RYR3: variants seen among roughly 807,000 people sequenced by gnomAD.
RYR3 encodes brain ryanodine receptor-calcium release channel.
Under a neutral mutation model 584.3 loss-of-function variants are expected in RYR3, and 207 were observed. That is an observed-to-expected ratio of 0.35 (90% CI 0.32 to 0.40). RYR3 has a LOEUF of 0.40. Among genes scored for constraint, RYR3 ranks in the 10% least tolerant of loss-of-function variants. RYR3 has a pLI of 1.00. For synonymous variants in RYR3, 2,416 were observed against 2,248.5 expected, an observed-to-expected ratio of 1.07 and a Z score of -2.11; for missense variants, 5,616 against 6,089.2, an observed-to-expected ratio of 0.92 and a Z score of 2.59.
intron 80 of RYR3, among the ~76,000 whole-genome samples, chr15:33,822,593 C>T (rs1282037168): frequency 6.6e-6 from 1 of 152,342 alleles, no homozygotes; most frequent in Non-Finnish European, 1.5e-5. Flanking sequence ...TTCCTACCTT[C>T]CAGTAAAAGA....
chr15:33,849,878 C>CG (rs1213134510), intron 94 of RYR3: 1 of 152,196 alleles, frequency 6.6e-6, no homozygotes, highest in Non-Finnish European at 1.5e-5. Flanking sequence ...ACAGGCACAT[C>CG]CTCACATCCT....
At chr15:33,860,742 A>ATTAC (rs1290833881) in intron 101 of RYR3, 83 bp downstream of exon 101, 1 of 1,053,502 alleles carries the variant, frequency 9.5e-7, no homozygotes, top group Non-Finnish European at 1.4e-6. Context: ...AGGTTTTACT[A>ATTAC]TTACTTAGGG....
At chr15:33,688,702 G>A (rs889089135) in intron 38 of RYR3, among the ~76,000 whole-genome samples, 3 of 152,018 alleles carry the variant, frequency 2.0e-5, no homozygotes, top group Admixed American at 1.3e-4. Flanking sequence ...TTAGAATGGC[G>A]ATCATTAAAA....
chr15:33,814,641 G>A (rs1357386763), intron 74 of RYR3, among the ~76,000 whole-genome samples: 11 of 152,122 alleles, frequency 7.2e-5, no homozygotes, highest in Admixed American at 7.2e-4. Flanking sequence ...GCTCACTCCT[G>A]TAATCCTAGC....
chr15:33,810,685 C>A, intron 71 of RYR3, 36 bp downstream of exon 71: 3 of 1,612,688 alleles, frequency 1.9e-6, no homozygotes, highest in Non-Finnish European at 2.5e-6. Context: ...AGTGTGTGAT[C>A]CACATGGTGC....
chr15:33,649,425 A>C (rs886834694), intron 31 of RYR3, among the ~76,000 whole-genome samples, 190 bp downstream of exon 31: 1 of 152,234 alleles, frequency 6.6e-6, no homozygotes, highest in African/African-American at 2.4e-5. Context: ...AAAATAGAGA[A>C]GAGTTTCATC....
intron 1 of RYR3, among the ~76,000 whole-genome samples, chr15:33,413,093 T>C (rs2043523187): frequency 6.6e-6 from 1 of 152,178 alleles, no homozygotes; most frequent in African/African-American, 2.4e-5. Context: ...TTTGAAGAAA[T>C]AAAAATGAGA....
At chr15:33,373,419 A>G (rs1277411625) in intron 1 of RYR3, among the ~76,000 whole-genome samples, 5 of 152,224 alleles carry the variant, frequency 3.3e-5, no homozygotes, top group Non-Finnish European at 7.3e-5. Flanking sequence ...AAATGGGGTA[A>G]TGCCAATTTC....
At chr15:33,534,067 A>G (rs556848924) in intron 5 of RYR3, among the ~76,000 whole-genome samples, 2 of 152,340 alleles carry the variant, frequency 1.3e-5, no homozygotes, top group Non-Finnish European at 2.9e-5. Context: ...CTAGTTCCAA[A>G]TGTAAAACTT....
chr15:33,434,332 G>A (rs2045468051), intron 1 of RYR3, among the ~76,000 whole-genome samples: 2 of 152,168 alleles, frequency 1.3e-5, no homozygotes, highest in Middle Eastern at 3.4e-3. Context: ...TTGTCTTGGT[G>A]GGTCCTGTGC....
intron 64 of RYR3, among the ~76,000 whole-genome samples, chr15:33,779,991 A>G (rs2074284353): frequency 6.6e-6 from 1 of 152,160 alleles, no homozygotes; most frequent in Admixed American, 6.5e-5. Flanking sequence ...AGCCTGGGTG[A>G]CAGAGCAAGA....
At chr15:33,575,402 A>G (rs1168738577) in intron 12 of RYR3, among the ~76,000 whole-genome samples, 1 of 152,222 alleles carries the variant, frequency 6.6e-6, no homozygotes, top group Non-Finnish European at 1.5e-5. Flanking sequence ...CAAATGCAAA[A>G]GAAATGAAAT....
chr15:33,669,309 C>T, intron 36 of RYR3, 45 bp from the exon 37 acceptor site: 8 of 1,522,366 alleles, frequency 5.3e-6, no homozygotes, highest in Non-Finnish European at 7.3e-6. Flanking sequence ...GTTCCCTTGG[C>T]CAACATTGAG....
intron 47 of RYR3, among the ~76,000 whole-genome samples, chr15:33,730,974 C>T (rs2068896592): frequency 6.6e-6 from 1 of 152,200 alleles, no homozygotes; most frequent in Non-Finnish European, 1.5e-5. Flanking sequence ...TTCGCTTTCA[C>T]AAAACTGGTG....
chr15:33,364,397 G>A (rs1479393951), intron 1 of RYR3, among the ~76,000 whole-genome samples: 1 of 152,144 alleles, frequency 6.6e-6, no homozygotes, highest in Non-Finnish European at 1.5e-5. Context: ...TACTGAGGCA[G>A]CATGCACACC....
chr15:33,662,245 G>A lies in RYR3; in HGVS notation c.4715G>A (p.Gly1572Glu). The change falls in exon 35 of 104, where the codon GGA becomes GAA. Residue 1572 changes from glycine (G) to glutamate (E), a missense_variant. Physicochemically the swap from Gly to Glu is moderately conservative, Grantham distance 98. Around this residue, in one of 9 missense-constraint regions of RYR3, gnomAD observed 753 missense variants for 741.0 expected, o/e 1.02. Transcript: ENST00000634891. ...CTCTACAGCGCGGTGTGCGCCCTGG[G>A]AAACAGCCGCGTGGCCTACGCCCTG... is the stretch of plus-strand genomic sequence containing the variant. ...LRLYSAVCAL[G>E]NSRVAYALCS... 1 of 1,609,718 alleles carries A rather than the reference G, an allele frequency of 6.2e-7. No individual in the cohort carries two copies. The highest frequency in any genetic ancestry group is 8.5e-7 in the Non-Finnish European group (1 of 1,178,246).
intron 12 of RYR3, among the ~76,000 whole-genome samples, chr15:33,567,514 G>T (rs2057778706): frequency 2.0e-5 from 3 of 152,292 alleles, no homozygotes; most frequent in South Asian, 2.1e-4. Context: ...GCTGTTGAAG[G>T]ACTGCAGTCC....
At chr15:33,832,293 CA>C (rs10674932) in intron 86 of RYR3, among the ~76,000 whole-genome samples, 32 of 140,364 alleles carry the variant, frequency 2.3e-4, no homozygotes, top group South Asian at 4.6e-4. Context: ...GACTCAGTCT[CA>C]AAAAAAAAAA....
At chr15:33,860,093 G>C (rs181576215) in intron 100 of RYR3, among the ~76,000 whole-genome samples, 5 of 142,718 alleles carry the variant, frequency 3.5e-5, no homozygotes, top group Admixed American at 3.5e-4. Context: ...GGACAGTGCA[G>C]GGGAGGGGAG....
Sources: allele counts gnomAD v4.1 joint callset (sites outside exome capture counted in the v4.1 genomes callset), GRCh38; gene constraint gnomAD v4.1.1; regional missense constraint gnomAD v4.1.1; transcripts MANE v1.5; gene names NCBI Gene and HGNC (gene_info 2026-07-23, HGNC 2026-07-21).